The following GRHL2 variants were observed in gnomAD, a reference collection of about 807,000 sequenced individuals.
GRHL2 encodes grainyhead-like protein 2 homolog.
In GRHL2, 21 loss-of-function variants were observed where a neutral mutation model predicts 83.8. The observed-to-expected ratio is 0.25, with a 90% CI of 0.18 to 0.36. The LOEUF (loss-of-function observed/expected upper bound fraction) is 0.36, where lower values mean the gene tolerates loss of function less well. Among genes scored for constraint, GRHL2 ranks in the 10% least tolerant of loss-of-function variants. The pLI, the probability that GRHL2 is intolerant of heterozygous loss-of-function variation, is 1.00. For synonymous variants in GRHL2, 280 were observed against 278.9 expected (o/e 1.00, Z -0.04); for missense variants, 623 against 781.8 (o/e 0.80, Z 2.42).
chr8:101,516,194 C>T (rs1810568742), intron 1 of GRHL2, among the ~76,000 whole-genome samples: 1 of 152,184 alleles, frequency 6.6e-6, no homozygotes, highest in East Asian at 1.9e-4. Flanking sequence ...TGGTTGACAA[C>T]TGACAACCAC....
Position 101,632,279 on chromosome 8 carries a change from T to C in GRHL2, c.1399T>C (p.Tyr467His). ...TTTACAGAAGAAGAGTGACATCACC[T>C]ACTTCAAAACCATGCCTGATCTCCA... ...IPLQKKSDIT[Y>H]FKTMPDLHSQ... The change falls in exon 11 of 16, where the codon TAC (tyrosine) becomes CAC (histidine). Residue 467 changes from tyrosine (Y) to histidine (H), a missense_variant. Transcript: ENST00000646743. 6.2e-7 allele frequency: 1 copy of C among 1,614,106 alleles called. No individual in the cohort carries two copies. Among genetic ancestry groups the C allele is most frequent in the Non-Finnish European group, 8.5e-7 (1 of 1,179,956 alleles).
chr8:101,599,362 A>G (rs1812463532), intron 8 of GRHL2, among the ~76,000 whole-genome samples: 3 of 152,166 alleles, frequency 2.0e-5, no homozygotes, highest in African/African-American at 7.2e-5. Context: ...TCCCACCCAA[A>G]TCCTTCAGGC....
chr8:101,546,321 G>T lies in GRHL2; in HGVS notation c.216+2885G>T, dbSNP rs571302028. On this transcript the variant is annotated intron_variant, in intron 2 of 15. Coordinates refer to ENST00000646743, the MANE Select transcript of GRHL2 (RefSeq NM_024915.4). Reference sequence around the variant, plus strand: ...AGATTTTATTCTGTTATTGTGAAATGGATATAATTTCATATATCTGTATTT... The same window carrying T: ...AGATTTTATTCTGTTATTGTGAAATTGATATAATTTCATATATCTGTATTT... 2.6e-5 allele frequency among the ~76,000 whole-genome samples: 4 copies of T among 151,976 alleles called. No homozygotes were observed. In the South Asian group the frequency reaches 8.3e-4, roughly 32 times the overall value.
At chr8:101,606,197 A>C (rs903930314) in intron 8 of GRHL2, among the ~76,000 whole-genome samples, 1 of 152,236 alleles carries the variant, frequency 6.6e-6, no homozygotes, top group Non-Finnish European at 1.5e-5. Flanking sequence ...ATTGGAAGTG[A>C]CTACTTACAC....
intron 1 of GRHL2, among the ~76,000 whole-genome samples, chr8:101,526,766 C>G (rs1243670238): frequency 6.6e-6 from 1 of 152,044 alleles, no homozygotes; most frequent in African/African-American, 2.4e-5. Flanking sequence ...AGTGCTTTTC[C>G]TTGAGGCAAT....
rs917111673 is a variant in GRHL2 at position 101,548,164 on chromosome 8, T to A, written c.217-4551T>A. 2.6e-5 allele frequency among the ~76,000 whole-genome samples: 4 copies of A among 152,088 alleles called. 1 individual carries two copies. The highest frequency in any genetic ancestry group is 5.9e-5 in the Non-Finnish European group (4 of 68,018). ...ATCCATCTATCCATCTATCCATCCA[T>A]CCATCCACCCACCCACACACACACC... On this transcript the variant is annotated intron_variant, in intron 2 of 15. Transcript: ENST00000646743.
intron 2 of GRHL2, among the ~76,000 whole-genome samples, chr8:101,547,080 T>A (rs909430928): frequency 2.0e-5 from 3 of 152,250 alleles, no homozygotes; most frequent in African/African-American, 7.2e-5. Flanking sequence ...TTTCAAACAC[T>A]GTATGTTCAA....
rs79055822 is a variant in GRHL2, at chr8:101,530,195, C to T, written c.21-13046C>T. Among the ~76,000 whole-genome samples the T allele has an allele frequency of 3.3e-3, 500 of 152,284 alleles. 1 individual carries two copies. Among genetic ancestry groups the T allele is most frequent in the African/African-American group, 0.012 (478 of 41,544 alleles). On this transcript the variant is annotated intron_variant, in intron 1 of 15. Transcript: ENST00000646743. ...CTCCTGCACCAAAGGTGGGGTGCAG[C>T]CTTCTCAACTCTGGCTTTTCCTTTA...
chr8:101,646,215 C>T (rs1177201191), intron 13 of GRHL2, among the ~76,000 whole-genome samples: 1 of 152,192 alleles, frequency 6.6e-6, no homozygotes, highest in Non-Finnish European at 1.5e-5. Flanking sequence ...TCAAATATTC[C>T]AGTACATTTG....
intron 7 of GRHL2, among the ~76,000 whole-genome samples, 156 bp downstream of exon 7, chr8:101,577,675 C>G (rs543546326): frequency 6.6e-6 from 1 of 152,224 alleles, no homozygotes; most frequent in Admixed American, 6.5e-5. Flanking sequence ...GCAGATCAGA[C>G]TGAGTAACCA....
intron 2 of GRHL2, among the ~76,000 whole-genome samples, chr8:101,545,174 T>C (rs1338629978): frequency 6.6e-6 from 1 of 152,124 alleles, no homozygotes; most frequent in East Asian, 1.9e-4. Context: ...TCCTTTATAG[T>C]TAAGAAGTGC....
intron 7 of GRHL2, among the ~76,000 whole-genome samples, chr8:101,591,489 C>G (rs1812280264): frequency 6.6e-6 from 1 of 152,206 alleles, no homozygotes; most frequent in Non-Finnish European, 1.5e-5. Flanking sequence ...TTTGCCTCAT[C>G]AAGCTTACAT....
intron 1 of GRHL2, among the ~76,000 whole-genome samples, chr8:101,521,698 A>G (rs1266028274): frequency 6.6e-6 from 1 of 152,188 alleles, no homozygotes; most frequent in African/African-American, 2.4e-5. Context: ...CCGTTATTTA[A>G]CAAGACATAA....
chr8:101,590,339 C>T (rs1176493403), intron 7 of GRHL2, among the ~76,000 whole-genome samples: 1 of 152,190 alleles, frequency 6.6e-6, no homozygotes, highest in Non-Finnish European at 1.5e-5. Context: ...TCAGAATCTA[C>T]TTGGACTAGG....
At chr8:101,615,702 C>G (rs1327350246) in intron 8 of GRHL2, among the ~76,000 whole-genome samples, 3 of 151,728 alleles carry the variant, frequency 2.0e-5, no homozygotes, top group Non-Finnish European at 2.9e-5. Flanking sequence ...TTTTTTTAAC[C>G]TAAAGTTTAG....
intron 1 of GRHL2, among the ~76,000 whole-genome samples, chr8:101,519,539 G>A (rs1243372828): frequency 6.6e-6 from 1 of 151,374 alleles, no homozygotes; most frequent in Non-Finnish European, 1.5e-5. Flanking sequence ...TGGGATTACA[G>A]GTGTGCCACC....
rs546733695 is a variant in GRHL2 at position 101,498,834 on chromosome 8, G to A, written c.20+6045G>A. ...CTCATGCCTGTAATCCTAGCACTTT[G>A]GGAGGCCGAGGTGGGCGGATCACGA... On this transcript the variant is annotated intron_variant, in intron 1 of 15. Coordinates refer to ENST00000646743, the MANE Select transcript of GRHL2 (RefSeq NM_024915.4). Among the ~76,000 whole-genome samples the A allele has an allele frequency of 1.3e-4, 20 of 152,264 alleles. 1 individual carries two copies. The South Asian group carries it at 4.2e-3, about 32-fold the overall frequency.
At chr8:101,598,688 G>T (rs1234058240) in intron 7 of GRHL2, among the ~76,000 whole-genome samples, 2 of 148,918 alleles carry the variant, frequency 1.3e-5, no homozygotes, top group Admixed American at 1.4e-4. Flanking sequence ...AAGTACCCTG[G>T]TACTTCTAGC....
chr8:101,588,995 A>AT (rs1200043755), intron 7 of GRHL2, among the ~76,000 whole-genome samples: 1 of 152,156 alleles, frequency 6.6e-6, no homozygotes, highest in Admixed American at 6.5e-5. Flanking sequence ...TTGTGGTAGA[A>AT]GGGGCCCTGT....
Sources: allele counts gnomAD v4.1 joint callset (sites outside exome capture counted in the v4.1 genomes callset), GRCh38; gene constraint gnomAD v4.1.1; transcripts MANE v1.5; gene names NCBI Gene and HGNC (gene_info 2026-07-23, HGNC 2026-07-21).